The following MGAT4C variants were observed in gnomAD, a reference collection of about 807,000 sequenced individuals.
The protein encoded by MGAT4C is MGAT4 family member C.
A neutral mutation model predicts 40.1 loss-of-function variants in MGAT4C; 19 were observed. That is an observed-to-expected ratio of 0.47 (90% CI 0.33 to 0.70). The LOEUF (loss-of-function observed/expected upper bound fraction) is 0.70, where lower values mean the gene tolerates loss of function less well. Among genes scored for constraint, MGAT4C ranks in the 30% least tolerant of loss-of-function variants. The pLI is 0.02. For synonymous variants in MGAT4C, 181 were observed against 187.1 expected (o/e 0.97, Z 0.27); for missense variants, 491 against 563.2 (o/e 0.87, Z 1.30).
upstream of MGAT4C, chr12:86,838,861 G>C (rs1276088526): frequency 6.6e-6 from 1 of 152,196 alleles, no homozygotes; most frequent in East Asian, 1.9e-4. Context: ...CTGTTCCCCA[G>C]GGATGGCAAT....
intron 3 of MGAT4C, among the ~76,000 whole-genome samples, chr12:86,397,952 C>T (rs1056443325): frequency 3.3e-5 from 5 of 151,968 alleles, no homozygotes; most frequent in Admixed American, 1.3e-4. Context: ...GACAGAGATG[C>T]CATTTCTTAA....
At chr12:86,587,659 T>C (rs1327275518) in intron 2 of MGAT4C, among the ~76,000 whole-genome samples, 1 of 152,076 alleles carries the variant, frequency 6.6e-6, no homozygotes, top group African/African-American at 2.4e-5. Flanking sequence ...GAAGAGGTCC[T>C]TCATGTCCCT....
intron 1 of MGAT4C, among the ~76,000 whole-genome samples, chr12:86,147,690 A>T (rs1883734581): frequency 6.6e-6 from 1 of 152,204 alleles, no homozygotes; most frequent in African/African-American, 2.4e-5. Flanking sequence ...AAGTTGGACA[A>T]ATTGCTATAG....
intron 1 of MGAT4C, among the ~76,000 whole-genome samples, chr12:86,822,867 C>A (rs1223452516): frequency 6.6e-6 from 1 of 151,092 alleles, no homozygotes; most frequent in Non-Finnish European, 1.5e-5. Flanking sequence ...ACACATTCTT[C>A]ACCAGTGCAC....
At chr12:86,569,467 T>C (rs1384422076) in intron 2 of MGAT4C, among the ~76,000 whole-genome samples, 2 of 152,056 alleles carry the variant, frequency 1.3e-5, no homozygotes, top group African/African-American at 4.8e-5. Context: ...ATCAAAACCT[T>C]GATATGATAT....
rs558695075 is a variant in MGAT4C, at chr12:86,482,274, CTG to C, written c.-228-47011_-228-47010del. On this transcript the variant is annotated intron_variant, in intron 2 of 7. Transcript: ENST00000548651. ...ATTTTTAATCAGCTAAATTAAAAAA[CTG>C]TGTAAATATGCTTGAGCAACAAAAT... 1.7e-3 allele frequency among the ~76,000 whole-genome samples: 265 copies of C among 152,108 alleles called. 2 individuals carry two copies. The highest frequency in any genetic ancestry group is 6.0e-3 in the African/African-American group (251 of 41,542).
intron 1 of MGAT4C, among the ~76,000 whole-genome samples, chr12:86,797,408 C>T (rs1952144129): frequency 6.6e-6 from 1 of 151,450 alleles, no homozygotes; most frequent in South Asian, 2.1e-4. Context: ...ACTGTCATTT[C>T]AATACCACTG....
intron 3 of MGAT4C, among the ~76,000 whole-genome samples, chr12:86,382,395 A>T (rs1955952984): frequency 6.6e-6 from 1 of 152,218 alleles, no homozygotes; most frequent in Non-Finnish European, 1.5e-5. Flanking sequence ...TCAAGAGGTG[A>T]CTTGGGTGCT....
At chr12:86,182,727 C>G (rs1168427117) in intron 1 of MGAT4C, among the ~76,000 whole-genome samples, 4 of 152,120 alleles carry the variant, frequency 2.6e-5, no homozygotes, top group Non-Finnish European at 5.9e-5. Flanking sequence ...CATAAAGCAG[C>G]CATAAACAGC....
intron 2 of MGAT4C, among the ~76,000 whole-genome samples, chr12:86,712,881 A>G (rs2136633887): frequency 6.6e-6 from 1 of 152,218 alleles, no homozygotes; most frequent in African/African-American, 2.4e-5. Flanking sequence ...TTATAACATT[A>G]AGCCAGAAAA....
intron 1 of MGAT4C, among the ~76,000 whole-genome samples, chr12:86,104,019 T>A (rs1442762509): frequency 6.6e-6 from 1 of 152,032 alleles, no homozygotes; most frequent in Non-Finnish European, 1.5e-5. Context: ...ACATAGACAT[T>A]TAAGGGGATC....
chr12:86,097,769 T>G (rs1417342328), intron 1 of MGAT4C, among the ~76,000 whole-genome samples: 1 of 151,604 alleles, frequency 6.6e-6, no homozygotes, highest in East Asian at 1.9e-4. Context: ...ATGATAAATT[T>G]TATTCAAACT....
chr12:86,338,524 T>C (rs532390625), intron 3 of MGAT4C, among the ~76,000 whole-genome samples: 269 of 152,270 alleles, frequency 1.8e-3, no homozygotes, highest in Non-Finnish European at 2.8e-3. Flanking sequence ...AGAGCTGTTA[T>C]TGTCTTTGTT....
chr12:86,030,593 A>G (rs1016366855), intron 2 of MGAT4C, among the ~76,000 whole-genome samples: 1 of 151,776 alleles, frequency 6.6e-6, no homozygotes, highest in Non-Finnish European at 1.5e-5. Flanking sequence ...AAGGAGGTTA[A>G]AGAGGCAAGA....
intron 2 of MGAT4C, among the ~76,000 whole-genome samples, chr12:86,545,386 T>C (rs1242105854): frequency 3.3e-5 from 5 of 151,992 alleles, no homozygotes; most frequent in African/African-American, 1.2e-4. Flanking sequence ...AGATACTATG[T>C]CACAAAATAT....
chr12:86,572,540 C>T (rs182520633), intron 2 of MGAT4C, among the ~76,000 whole-genome samples: 2 of 152,226 alleles, frequency 1.3e-5, no homozygotes, highest in East Asian at 1.9e-4. Context: ...GTATCTGCAT[C>T]ACCCACATCT....
intron 2 of MGAT4C, among the ~76,000 whole-genome samples, chr12:86,690,852 T>C (rs1407793922): frequency 6.6e-6 from 1 of 152,208 alleles, no homozygotes; most frequent in East Asian, 1.9e-4. Flanking sequence ...CGTCATCTTA[T>C]GTAGTGCAAT....
intron 1 of MGAT4C, among the ~76,000 whole-genome samples, chr12:86,158,424 C>A (rs1885218761): frequency 6.6e-6 from 1 of 151,942 alleles, no homozygotes; most frequent in African/African-American, 2.4e-5. Context: ...CTAAACTAGG[C>A]ATAAAATATT....
In MGAT4C at chr12:86,325,797, A is replaced by G. The variant is rs562932425; in HGVS notation, c.-57+8268T>C. On this transcript the variant is annotated intron_variant, in intron 4 of 7. Transcript: ENST00000548651. ...GAGGCTGAAGCGGGAGGGTCACCTGAGCCCAGGAGGTCGAGGCTGCAATGA... is the reference window on the plus strand; with the variant it reads ...GAGGCTGAAGCGGGAGGGTCACCTGGGCCCAGGAGGTCGAGGCTGCAATGA... Among the ~76,000 whole-genome samples the G allele has an allele frequency of 2.6e-5, 4 of 152,212 alleles. No homozygotes were observed. In the East Asian group the frequency reaches 5.8e-4, roughly 22 times the overall value.
Sources: allele counts gnomAD v4.1 joint callset (sites outside exome capture counted in the v4.1 genomes callset), GRCh38; gene constraint gnomAD v4.1.1; transcripts MANE v1.5; gene names NCBI Gene and HGNC (gene_info 2026-07-23, HGNC 2026-07-21).